Variants in TMPRSS4 observed in about 807,000 individuals in gnomAD.
TMPRSS4 encodes transmembrane serine protease 4, also known as transmembrane protease serine 4.
TMPRSS4 carries 45 observed loss-of-function variants against 56.4 expected under a neutral mutation model. The ratio of observed to expected loss-of-function variants is 0.80; its 90% CI spans 0.63 to 1.02. TMPRSS4 has a LOEUF of 1.02. Among genes scored for constraint, TMPRSS4 ranks in the 50% least tolerant of loss-of-function variants. TMPRSS4 has a pLI of 0.00. For synonymous variants in TMPRSS4, 205 were observed against 211.0 expected, an observed-to-expected ratio of 0.97 and a Z score of 0.25; for missense variants, 546 against 556.7, an observed-to-expected ratio of 0.98 and a Z score of 0.19.
At chr11:118,114,776 A>C (rs1947450769) in intron 9 of TMPRSS4, 53 bp from the exon 10 acceptor site, 1 of 1,502,986 alleles carries the variant, frequency 6.7e-7, no homozygotes, top group Non-Finnish European at 9.1e-7. Context: ...TTTACAGAAA[A>C]TTAACACTTA....
Position 118,099,059 on chromosome 11 carries a change from C to T in TMPRSS4, c.118C>T (p.Leu40=). ...GGTGGGGATCCCCATCATCATAGCA[C>T]TACTGAGCCTGGCGAGTATCATCAT... The part of the protein sequence containing the change: ...RKVGIPIIIA[L]LSLASIIIVV... The change falls in exon 3 of 13, where the codon CTA becomes TTA. Residue 40 remains leucine (L), a synonymous_variant. Transcript: ENST00000437212. 6.2e-7 allele frequency: 1 copy of T among 1,614,014 alleles called. No homozygotes were observed. The highest frequency in any genetic ancestry group is 8.5e-7 in the Non-Finnish European group (1 of 1,179,956).
At chr11:118,096,634 A>G (rs1241125529) in intron 2 of TMPRSS4, among the ~76,000 whole-genome samples, 2 of 151,558 alleles carry the variant, frequency 1.3e-5, no homozygotes, top group African/African-American at 2.4e-5. Context: ...AAAAATACCA[A>G]CGTTAACTGG....
Position 118,117,433 on chromosome 11 carries a change from C to T in TMPRSS4, c.1281C>T (p.Asn427=), listed in dbSNP as rs764873655. 2 of 1,613,932 alleles carry T rather than the reference C, an allele frequency of 1.2e-6. No individual in the cohort carries two copies. Among genetic ancestry groups the T allele is most frequent in the African/African-American group, 1.3e-5 (1 of 75,042 alleles). The change falls in exon 12 of 13, where the codon AAC becomes AAT. Residue 427 remains asparagine, a synonymous_variant. Transcript: ENST00000437212. ...ACACCAAGGTCTCAGCCTATCTCAA[C>T]TGGATCTACAATGTCTGGAAGGTAA... ...GVYTKVSAYL[N]WIYNVWKAEL is the part of the protein sequence containing the mutation.
At chr11:118,104,956 T>A in intron 5 of TMPRSS4, 136 bp downstream of exon 5, 1 of 965,550 alleles carries the variant, frequency 1.0e-6, no homozygotes, top group Non-Finnish European at 1.5e-6. Context: ...AATCCCAGCA[T>A]TTCACTTATA....
intron 11 of TMPRSS4, 32 bp from the exon 12 acceptor site, chr11:118,117,273 T>G: frequency 6.2e-7 from 1 of 1,612,926 alleles, no homozygotes. Context: ...TCACCTGCCC[T>G]CCCCAGCAGT....
chr11:118,117,778 G>T, intron 12 of TMPRSS4, 124 bp from the exon 13 acceptor site: 2 of 1,586,812 alleles, frequency 1.3e-6, no homozygotes, highest in South Asian at 2.3e-5. Flanking sequence ...AGACCTCCTG[G>T]CCCTCTGCAG....
chr11:118,107,137 C>G (rs1377642987), intron 5 of TMPRSS4: 2 of 152,132 alleles, frequency 1.3e-5, no homozygotes, highest in Non-Finnish European at 2.9e-5. Context: ...AGGAAGGCTT[C>G]CTGGAGGAGG....
In TMPRSS4 at chr11:118,077,292, A is replaced by T; in HGVS notation, c.-11A>T. 1 of 1,602,280 alleles carries T rather than the reference A, an allele frequency of 6.2e-7. No individual in the cohort carries two copies. Among genetic ancestry groups the T allele is most frequent in the Non-Finnish European group, 8.5e-7 (1 of 1,174,514 alleles). ...AGGCTACAGGGAGACCGGGAGGATC[A>T]CAGAGCCAGCATGGTGAGTGTGGGG... On this transcript the variant is annotated 5_prime_UTR_variant, in exon 1 of 13. Transcript: ENST00000437212.
chr11:118,124,255 C>T (rs879386889), downstream of TMPRSS4, among the ~76,000 whole-genome samples: 11 of 151,948 alleles, frequency 7.2e-5, no homozygotes, highest in Non-Finnish European at 1.2e-4. Context: ...TGTGGTGGTG[C>T]GTGCCTGTAG....
intron 3 of TMPRSS4, among the ~76,000 whole-genome samples, chr11:118,099,499 A>AAGAAAGACAGAC (rs1555085874): frequency 6.6e-6 from 1 of 151,686 alleles, no homozygotes; most frequent in Admixed American, 6.6e-5. Context: ...GAAAGAAAGA[A>AAGAAAGACAGAC]AGACATGTAT....
At position 118,119,547 on chromosome 11, in the gene TMPRSS4, A is replaced by G. The variant is rs1252520572; in HGVS notation, c.*1634A>G. On this transcript the variant is annotated 3_prime_UTR_variant, in exon 13 of 13. Transcript: ENST00000437212. ...TATTAGAGACTTATGATAATAAGCA[A>G]TATTTGCAGAGTATTTGTATGTGCC... 6.0e-6 allele frequency: 1 copy of G among 167,968 alleles called. No individual in the cohort carries two copies. The highest frequency in any genetic ancestry group is 1.2e-5 in the Non-Finnish European group (1 of 82,524). The allele number at this position is 167,968 out of a possible 1,614,324, so 10.4% of individuals were successfully genotyped here.
chr11:118,078,224 A>G (rs1944847359), intron 1 of TMPRSS4, among the ~76,000 whole-genome samples: 1 of 151,988 alleles, frequency 6.6e-6, no homozygotes, highest in Non-Finnish European at 1.5e-5. Context: ...AGGACAGCTG[A>G]GGGCCAGGGA....
rs765775480 is a variant in TMPRSS4 at position 118,117,884 on chromosome 11, C to T, written c.1303-18C>T. The T allele has an allele frequency of 9.3e-6, 15 of 1,613,948 alleles. No homozygotes were observed. In the Admixed American group the frequency reaches 1.8e-4, roughly 20 times the overall value. ...TCAGATAATCTGACTTTCTCTTCAT[C>T]GGTCTCTCTTATTCTAGGCTGAGCT... On this transcript the variant is annotated intron_variant, in intron 12 of 12. Coordinates refer to ENST00000437212, the MANE Select transcript of TMPRSS4 (RefSeq NM_019894.4).
At chr11:118,079,125 AGCAT>A (rs1944928896) in intron 1 of TMPRSS4, among the ~76,000 whole-genome samples, 1 of 152,120 alleles carries the variant, frequency 6.6e-6, no homozygotes, top group African/African-American at 2.4e-5. Context: ...GCAAGGCAGC[AGCAT>A]GGCCAATCTC....
chr11:118,124,931 C>T (rs1317069558), downstream of TMPRSS4, among the ~76,000 whole-genome samples: 1 of 152,246 alleles, frequency 6.6e-6, no homozygotes, highest in African/African-American at 2.4e-5. Context: ...GCTTTAGTCA[C>T]TTGCCCGCTT....
At chr11:118,088,250 A>G (rs1945717455) in intron 1 of TMPRSS4, 1 of 152,278 alleles carries the variant, frequency 6.6e-6, no homozygotes, top group East Asian at 1.9e-4. Flanking sequence ...CCTTTTCTGT[A>G]AAATGGGGAC....
At chr11:118,098,760 G>C (rs550101466) in intron 2 of TMPRSS4, among the ~76,000 whole-genome samples, 1 of 152,174 alleles carries the variant, frequency 6.6e-6, no homozygotes, top group Non-Finnish European at 1.5e-5. Flanking sequence ...TCCTTTGAGC[G>C]GCACTCAGGA....
chr11:118,095,106 A>T, intron 2 of TMPRSS4: 1 of 541,852 alleles, frequency 1.8e-6, no homozygotes, highest in South Asian at 2.0e-5. Flanking sequence ...TCTCCAATTC[A>T]TTCATTCAGT....
chr11:118,088,315 C>G lies in TMPRSS4; in HGVS notation c.4-6501C>G, dbSNP rs545405764. The G allele has an allele frequency of 9.8e-5, 15 of 152,336 alleles. No individual in the cohort carries two copies. The East Asian group carries it at 2.9e-3, about 29-fold the overall frequency. The allele number at this position is 152,336 out of a possible 1,614,324, so 9.4% of individuals were successfully genotyped here. On this transcript the variant is annotated intron_variant, in intron 1 of 12. Transcript: ENST00000437212. ...TAGGACAGCATTTATGAAAGAAAGA[C>G]ATCGTAAATTATATAATAATACTCA...
Sources: gnomAD v4.1 joint callset for allele counts (sites outside exome capture counted in the v4.1 genomes callset) on GRCh38, gnomAD v4.1.1 for gene constraint, MANE v1.5 for transcripts, NCBI Gene and HGNC (gene_info 2026-07-23, HGNC 2026-07-21) for gene names.